Variants in CACNA1C observed in about 807,000 individuals in gnomAD.
CACNA1C encodes the protein calcium voltage-gated channel subunit alpha1 C.
A neutral mutation model predicts 229.0 loss-of-function variants in CACNA1C; 30 were observed. That is an observed-to-expected ratio of 0.13 (90% CI 0.10 to 0.18). The LOEUF (loss-of-function observed/expected upper bound fraction) is 0.18. Among genes scored for constraint, CACNA1C ranks in the 10% least tolerant of loss-of-function variants. The probability of loss-of-function intolerance (pLI) is 1.00; values close to 1 mark genes in which losing one functional copy is unlikely to be tolerated. For missense variants in CACNA1C, 1,658 were observed against 2,845.0 expected, an observed-to-expected ratio of 0.58 and a Z score of 9.49; for synonymous variants, 1,114 against 1,132.5, an observed-to-expected ratio of 0.98 and a Z score of 0.33.
chr12:2,246,845 C>T (rs1225524197), intron 3 of CACNA1C, among the ~76,000 whole-genome samples: 1 of 152,170 alleles, frequency 6.6e-6, no homozygotes, highest in Non-Finnish European at 1.5e-5. Context: ...CATCCAAGAA[C>T]TGTAATCTCC....
At chr12:2,587,171 AAT>A (rs1486578970) in intron 18 of CACNA1C, among the ~76,000 whole-genome samples, 2 of 151,228 alleles carry the variant, frequency 1.3e-5, no homozygotes, top group East Asian at 3.9e-4. Flanking sequence ...CCAGAGTCTA[AAT>A]GTTTACGAGT....
rs576103202 is a variant in CACNA1C, at chr12:2,397,757, G to A, written c.478-51219G>A. The stretch of plus-strand genomic sequence containing the variant: ...GAGCGTCTGCAGAGGGCATCCTGCT[G>A]GCTTCCCAAGCCATGAGCCTTCTGA... On this transcript the variant is annotated intron_variant, in intron 3 of 46. Transcript: ENST00000399655. 4.6e-5 allele frequency among the ~76,000 whole-genome samples: 7 copies of A among 152,370 alleles called. No individual in the cohort carries two copies. The East Asian group carries it at 1.2e-3, about 25-fold the overall frequency.
chr12:2,043,110 A>C (rs1181583301), intron 1 of CACNA1C, among the ~76,000 whole-genome samples: 3 of 152,188 alleles, frequency 2.0e-5, no homozygotes, highest in Non-Finnish European at 4.4e-5. Flanking sequence ...ATATTACTTC[A>C]TCGCAAGATC....
chr12:2,153,440 T>G (rs2095394723), intron 3 of CACNA1C, among the ~76,000 whole-genome samples: 1 of 152,240 alleles, frequency 6.6e-6, no homozygotes, highest in African/African-American at 2.4e-5. Context: ...CCTGCAAAAC[T>G]GAAACGCTCT....
At chr12:2,179,395 TGAAAG>T (rs1307314362) in intron 3 of CACNA1C, among the ~76,000 whole-genome samples, 6 of 152,272 alleles carry the variant, frequency 3.9e-5, no homozygotes, top group Non-Finnish European at 5.9e-5. Flanking sequence ...AGTTGTCTAA[TGAAAG>T]GAAAACATAC....
intron 1 of CACNA1C, among the ~76,000 whole-genome samples, chr12:1,979,367 T>G (rs2035434968): frequency 6.6e-6 from 1 of 152,036 alleles, no homozygotes. Flanking sequence ...CAGGCTGGAG[T>G]GCAGTGGTGC....
chr12:2,293,773 T>C (rs1274978853), intron 3 of CACNA1C, among the ~76,000 whole-genome samples: 1 of 152,270 alleles, frequency 6.6e-6, no homozygotes, highest in Non-Finnish European at 1.5e-5. Flanking sequence ...AACCATATTA[T>C]ACTCTTATCA....
intron 3 of CACNA1C, among the ~76,000 whole-genome samples, chr12:2,358,234 A>G (rs115862619): frequency 0.015 from 2,152 of 148,022 alleles, 81 homozygotes; most frequent in African/African-American, 0.05. Flanking sequence ...GGCTGGCCTA[A>G]AAGAAGCGGC....
chr12:2,521,922 C>G (rs1452888745), intron 9 of CACNA1C, among the ~76,000 whole-genome samples: 1 of 152,224 alleles, frequency 6.6e-6, no homozygotes, highest in Non-Finnish European at 1.5e-5. Context: ...CTGAACATCT[C>G]TCAGTATTTC....
chr12:2,421,840 G>A (rs2098982246), intron 3 of CACNA1C, among the ~76,000 whole-genome samples: 1 of 152,020 alleles, frequency 6.6e-6, no homozygotes, highest in Non-Finnish European at 1.5e-5. Flanking sequence ...GAACCTGGGA[G>A]GCAGAGGTTG....
intron 29 of CACNA1C, among the ~76,000 whole-genome samples, chr12:2,624,263 T>G (rs192884708): frequency 6.6e-6 from 1 of 152,298 alleles, no homozygotes; most frequent in Admixed American, 6.5e-5. Flanking sequence ...ATTTAGTGTT[T>G]AGCGGGTGGG....
At chr12:2,328,155 G>A (rs556498165) in intron 3 of CACNA1C, among the ~76,000 whole-genome samples, 1 of 152,316 alleles carries the variant, frequency 6.6e-6, no homozygotes, top group Admixed American at 6.5e-5. Context: ...AGTAGAGAGG[G>A]TGCTGGCTGT....
At chr12:2,189,456 G>A (rs1465155576) in intron 3 of CACNA1C, among the ~76,000 whole-genome samples, 5 of 152,214 alleles carry the variant, frequency 3.3e-5, no homozygotes, top group South Asian at 2.1e-4. Flanking sequence ...TCCCCAGGAC[G>A]TGTCAGAAGG....
chr12:2,450,311 T>C (rs1304476781), intron 4 of CACNA1C, among the ~76,000 whole-genome samples: 2 of 151,938 alleles, frequency 1.3e-5, no homozygotes, highest in Non-Finnish European at 2.9e-5. Flanking sequence ...TCCCAGCACT[T>C]TGGGAGGCCA....
chr12:2,388,797 G>T (rs1171539814), intron 3 of CACNA1C, among the ~76,000 whole-genome samples: 1 of 152,174 alleles, frequency 6.6e-6, no homozygotes, highest in Non-Finnish European at 1.5e-5. Flanking sequence ...GGAGTTGGCA[G>T]TGTCTGTGGC....
chr12:2,255,538 T>C (rs1019927427), intron 3 of CACNA1C, among the ~76,000 whole-genome samples: 1 of 152,170 alleles, frequency 6.6e-6, no homozygotes, highest in African/African-American at 2.4e-5. Flanking sequence ...GGTCGGCCTC[T>C]TCAATTAGAA....
chr12:2,006,899 A>T (rs1334396833), intron 1 of CACNA1C, among the ~76,000 whole-genome samples: 1 of 152,254 alleles, frequency 6.6e-6, no homozygotes, highest in Non-Finnish European at 1.5e-5. Flanking sequence ...GTGACTTTGT[A>T]AATTGGTTTC....
chr12:2,695,505 A>T lies in CACNA1C; in HGVS notation c.*4306A>T, dbSNP rs922785718. Reference sequence around the variant, plus strand: ...GGAAGCCCAAACCTCACTCCCAGGGAGGCCCTCAGCCGCCAGAGTCCAGGT... The same window carrying T: ...GGAAGCCCAAACCTCACTCCCAGGGTGGCCCTCAGCCGCCAGAGTCCAGGT... On this transcript the variant is annotated 3_prime_UTR_variant, in exon 47 of 47. Transcript: ENST00000399655. 3 of 152,346 alleles carry T rather than the reference A, an allele frequency of 2.0e-5. No homozygotes were observed. The highest frequency in any genetic ancestry group is 1.5e-5 in the Non-Finnish European group (1 of 68,202). The allele number at this position is 152,346 out of a possible 1,614,324, so 9.4% of individuals were successfully genotyped here.
At chr12:2,578,614 A>G (rs1200849677) in intron 13 of CACNA1C, among the ~76,000 whole-genome samples, 1 of 152,184 alleles carries the variant, frequency 6.6e-6, no homozygotes, top group East Asian at 1.9e-4. Flanking sequence ...AAGATGGCGC[A>G]GAAGGATTTG....
Sources: allele counts gnomAD v4.1 joint callset (sites outside exome capture counted in the v4.1 genomes callset), GRCh38; gene constraint gnomAD v4.1.1; transcripts MANE v1.5; gene names NCBI Gene and HGNC (gene_info 2026-07-23, HGNC 2026-07-21).